DOK6: variants seen among roughly 807,000 people sequenced by gnomAD.
The protein encoded by DOK6 is downstream of tyrosine kinase 6.
DOK6 carries 22 observed loss-of-function variants against 44.0 expected under a neutral mutation model. The ratio of observed to expected loss-of-function variants is 0.50; its 90% confidence interval spans 0.36 to 0.71. The LOEUF is 0.71. Among genes scored for constraint, DOK6 ranks in the 30% least tolerant of loss-of-function variants. DOK6 has a pLI of 0.00. For synonymous variants in DOK6, 166 were observed against 145.5 expected (o/e 1.14, Z -1.01); for missense variants, 340 against 416.4 (o/e 0.82, Z 1.60).
intron 4 of DOK6, among the ~76,000 whole-genome samples, chr18:69,695,959 G>A (rs17081524): frequency 0.17 from 25,159 of 151,956 alleles, 2,496 homozygotes; most frequent in African/African-American, 0.28. Flanking sequence ...AGGCACCACG[G>A]GTAAATTTCA....
intron 1 of DOK6, among the ~76,000 whole-genome samples, chr18:69,432,182 C>A (rs1223276502): frequency 1.3e-5 from 2 of 152,192 alleles, no homozygotes; most frequent in African/African-American, 4.8e-5. Context: ...GTGGCCCATG[C>A]CTGTATTCCC....
intron 6 of DOK6, among the ~76,000 whole-genome samples, chr18:69,744,750 C>T (rs981508596): frequency 1.3e-5 from 2 of 151,830 alleles, no homozygotes; most frequent in African/African-American, 4.8e-5. Flanking sequence ...CATGGTGAAA[C>T]CCTGTCTCTA....
intron 1 of DOK6, among the ~76,000 whole-genome samples, chr18:69,432,810 AT>A (rs1978844796): frequency 6.6e-6 from 1 of 152,200 alleles, no homozygotes; most frequent in African/African-American, 2.4e-5. Flanking sequence ...AATTCATACA[AT>A]TTTAAAAAGA....
At chr18:69,582,417 G>C (rs1983391702) in intron 2 of DOK6, among the ~76,000 whole-genome samples, 1 of 152,200 alleles carries the variant, frequency 6.6e-6, no homozygotes, top group South Asian at 2.1e-4. Flanking sequence ...TTAACTTGTA[G>C]ATCTCACCTA....
At chr18:69,834,642 A>G (rs901434945) in intron 7 of DOK6, among the ~76,000 whole-genome samples, 23 of 152,194 alleles carry the variant, frequency 1.5e-4, no homozygotes, top group African/African-American at 5.5e-4. Context: ...GTGTTCTCTC[A>G]AAATATATGC....
At chr18:69,551,417 AT>A (rs979047403) in intron 1 of DOK6, among the ~76,000 whole-genome samples, 5 of 152,168 alleles carry the variant, frequency 3.3e-5, no homozygotes, top group African/African-American at 1.2e-4. Flanking sequence ...AGGGGTTTTA[AT>A]TTTCAACAAC....
intron 7 of DOK6, among the ~76,000 whole-genome samples, chr18:69,809,410 C>A (rs570852451): frequency 1.1e-4 from 16 of 151,644 alleles, no homozygotes; most frequent in African/African-American, 3.9e-4. Flanking sequence ...GGATGCCCCA[C>A]TTCTCTGTAA....
At chr18:69,501,636 C>T (rs1461794256) in intron 1 of DOK6, among the ~76,000 whole-genome samples, 1 of 152,066 alleles carries the variant, frequency 6.6e-6, no homozygotes. Context: ...ACAATTGTTG[C>T]AAAATGCCTA....
intron 4 of DOK6, among the ~76,000 whole-genome samples, chr18:69,691,293 T>C (rs1461682950): frequency 1.3e-5 from 2 of 152,098 alleles, no homozygotes; most frequent in Non-Finnish European, 2.9e-5. Context: ...GGATAGTGGG[T>C]GAAAAGAACC....
At chr18:69,525,268 C>A (rs1477836344) in intron 1 of DOK6, among the ~76,000 whole-genome samples, 7 of 151,744 alleles carry the variant, frequency 4.6e-5, no homozygotes, top group African/African-American at 1.7e-4. Flanking sequence ...TCAAATTATT[C>A]TATTCTAAAC....
At chr18:69,815,761 GAT>G (rs1981381008) in intron 7 of DOK6, among the ~76,000 whole-genome samples, 1 of 152,074 alleles carries the variant, frequency 6.6e-6, no homozygotes, top group African/African-American at 2.4e-5. Context: ...CCGATGGGTA[GAT>G]ATAGATAGTA....
intron 1 of DOK6, among the ~76,000 whole-genome samples, chr18:69,520,278 C>CAAA (rs34729428): frequency 2.0e-5 from 3 of 151,460 alleles, no homozygotes; most frequent in South Asian, 2.1e-4. Context: ...TAGACCTAGT[C>CAAA]AAAAATATAC....
intron 4 of DOK6, among the ~76,000 whole-genome samples, chr18:69,683,027 T>C (rs993916298): frequency 1.3e-5 from 2 of 152,194 alleles, no homozygotes; most frequent in African/African-American, 4.8e-5. Flanking sequence ...GTTTTGAGGA[T>C]TTTCCCCCAA....
chr18:69,543,855 A>T (rs1982331896), intron 1 of DOK6, among the ~76,000 whole-genome samples: 1 of 151,594 alleles, frequency 6.6e-6, no homozygotes, highest in Non-Finnish European at 1.5e-5. Flanking sequence ...GTACATTTTT[A>T]AAATAAGGGA....
At chr18:69,483,800 G>A (rs1438700492) in intron 1 of DOK6, 1 of 152,086 alleles carries the variant, frequency 6.6e-6, no homozygotes, top group Non-Finnish European at 1.5e-5. Context: ...ACGAAATTTA[G>A]AAACGGAAAG....
chr18:69,504,266 T>C (rs1422670699), intron 1 of DOK6, among the ~76,000 whole-genome samples: 1 of 152,008 alleles, frequency 6.6e-6, no homozygotes, highest in East Asian at 1.9e-4. Flanking sequence ...AGTTTTAAAG[T>C]TTAAATCTCT....
chr18:69,506,990 A>T (rs930641106), intron 1 of DOK6, among the ~76,000 whole-genome samples: 4 of 151,768 alleles, frequency 2.6e-5, no homozygotes, highest in African/African-American at 9.7e-5. Context: ...TCTTTTGTCA[A>T]TATTTACTTT....
chr18:69,421,507 T>C (rs1478208456), intron 1 of DOK6, among the ~76,000 whole-genome samples: 1 of 152,126 alleles, frequency 6.6e-6, no homozygotes, highest in Non-Finnish European at 1.5e-5. Flanking sequence ...AAGACGTAAA[T>C]AAGATAAAAT....
At chr18:69,672,300 C>G (rs1356473664) in intron 3 of DOK6, among the ~76,000 whole-genome samples, 1 of 152,214 alleles carries the variant, frequency 6.6e-6, no homozygotes, top group Non-Finnish European at 1.5e-5. Flanking sequence ...AACCAGAGAT[C>G]CATGCTTTTG....
Sources: gnomAD v4.1 joint callset for allele counts (sites outside exome capture counted in the v4.1 genomes callset) on GRCh38, gnomAD v4.1.1 for gene constraint, MANE v1.5 for transcripts, NCBI Gene and HGNC (gene_info 2026-07-23, HGNC 2026-07-21) for gene names.